GAS7: variants seen among roughly 807,000 people sequenced by gnomAD.
The protein encoded by GAS7 is growth arrest specific 7.
A neutral mutation model predicts 71.1 loss-of-function variants in GAS7; 28 were observed. The ratio of observed to expected loss-of-function variants is 0.39; its 90% confidence interval spans 0.29 to 0.54. The LOEUF (loss-of-function observed/expected upper bound fraction) is 0.54, where lower values mean the gene tolerates loss of function less well. Among genes scored for constraint, GAS7 ranks in the 20% least tolerant of loss-of-function variants. GAS7 has a pLI of 0.62. For missense variants in GAS7, 436 were observed against 627.8 expected (o/e 0.69, Z 3.27); for synonymous variants, 258 against 245.8 (o/e 1.05, Z -0.46).
chr17:9,952,718 T>C (rs1029007804), intron 5 of GAS7, among the ~76,000 whole-genome samples: 4 of 152,278 alleles, frequency 2.6e-5, no homozygotes, highest in South Asian at 2.1e-4. Flanking sequence ...AGAAGACATA[T>C]GTGCAGCCAA....
intron 1 of GAS7, among the ~76,000 whole-genome samples, chr17:10,126,222 TC>T (rs2073945233): frequency 6.6e-6 from 1 of 151,910 alleles, no homozygotes; most frequent in African/African-American, 2.4e-5. Context: ...TCTAATCCTG[TC>T]CGTTCTCCTG....
At chr17:10,059,918 G>A (rs2073200868) in intron 1 of GAS7, 2 of 565,510 alleles carry the variant, frequency 3.5e-6, no homozygotes, top group East Asian at 1.4e-4. Flanking sequence ...CTGCAATCGG[G>A]AAAGCATGTC....
In GAS7 at chr17:10,161,515, G is replaced by A. The variant is rs116159675; in HGVS notation, c.183+36693C>T. On this transcript the variant is annotated intron_variant, in intron 1 of 13. Transcript: ENST00000432992. ...TAGGTGCCATCTTGTCCTCTGACTC[G>A]AGCACTGTAACAGGATTTTACCATG... is the stretch of plus-strand genomic sequence containing the variant. Among the ~76,000 whole-genome samples, 955 of 152,298 alleles carry A rather than the reference G, an allele frequency of 6.3e-3. 7 individuals carry two copies. The highest frequency in any genetic ancestry group is 0.021 in the African/African-American group (867 of 41,550).
At chr17:10,046,500 C>T (rs917342212) in intron 1 of GAS7, among the ~76,000 whole-genome samples, 1 of 151,674 alleles carries the variant, frequency 6.6e-6, no homozygotes, top group Non-Finnish European at 1.5e-5. Context: ...GCACACTGCC[C>T]GCCTCGGCGG....
chr17:10,192,190 C>T (rs1567627429), intron 1 of GAS7, among the ~76,000 whole-genome samples: 1 of 152,186 alleles, frequency 6.6e-6, no homozygotes, highest in Non-Finnish European at 1.5e-5. Flanking sequence ...TGCCAGCCGC[C>T]ACTTCTTCTT....
At chr17:10,050,640 GCT>G (rs974763806) in intron 1 of GAS7, among the ~76,000 whole-genome samples, 2 of 152,140 alleles carry the variant, frequency 1.3e-5, no homozygotes, top group Non-Finnish European at 2.9e-5. Context: ...ATCAGGCCCA[GCT>G]CTCTTCTCCT....
chr17:10,056,368 A>G (rs1339735192), intron 1 of GAS7, among the ~76,000 whole-genome samples: 1 of 151,846 alleles, frequency 6.6e-6, no homozygotes, highest in Admixed American at 6.6e-5. Flanking sequence ...GATGGTGCAC[A>G]CCTGTAGTCC....
chr17:9,963,576 A>G (rs1412880085), intron 4 of GAS7, among the ~76,000 whole-genome samples: 1 of 152,026 alleles, frequency 6.6e-6, no homozygotes, highest in African/African-American at 2.4e-5. Context: ...CAGCCATAAA[A>G]GGGATTTGGG....
intron 1 of GAS7, among the ~76,000 whole-genome samples, chr17:10,136,671 T>C (rs2074041052): frequency 6.6e-6 from 1 of 152,146 alleles, no homozygotes; most frequent in Admixed American, 6.5e-5. Context: ...CTTCAACCTA[T>C]TCTGCATGGG....
In GAS7 at chr17:9,926,290, A is replaced by T. The variant is rs11657041; in HGVS notation, c.1014+351T>A. Among the ~76,000 whole-genome samples the T allele has an allele frequency of 0.14, 21,468 of 152,106 alleles. 1,552 individuals are homozygous for T. The highest frequency in any genetic ancestry group is 0.17 in the Admixed American group (2,595 of 15,298). On this transcript the variant is annotated intron_variant, in intron 10 of 13. Transcript: ENST00000432992. The surrounding 1 kb of genome is among the most constrained non-coding windows in gnomAD (Gnocchi z 5.0). Reference sequence around the variant, plus strand: ...GGCGGTGACTGAGTCAGGACGACTCAGCCAGGTGAGGCTTAAACACGGGGC... The same window carrying T: ...GGCGGTGACTGAGTCAGGACGACTCTGCCAGGTGAGGCTTAAACACGGGGC...
intron 1 of GAS7, among the ~76,000 whole-genome samples, chr17:10,108,303 G>A (rs1001931780): frequency 2.6e-5 from 4 of 152,186 alleles, no homozygotes; most frequent in African/African-American, 4.8e-5. Flanking sequence ...TCCACTGGAC[G>A]GGCCAAGGGC....
At chr17:9,957,406 G>A (rs8074810) in intron 5 of GAS7, among the ~76,000 whole-genome samples, 5,420 of 152,294 alleles carry the variant, frequency 0.036, 328 homozygotes, top group African/African-American at 0.12. Context: ...GCCCCCTCCG[G>A]CCACACCCGA....
chr17:10,183,711 G>A (rs1292202580), intron 1 of GAS7, among the ~76,000 whole-genome samples: 19 of 152,146 alleles, frequency 1.2e-4, no homozygotes, highest in African/African-American at 3.6e-4. Context: ...GCGTGGTGGC[G>A]GGTGCCTGTA....
At position 9,981,841 on chromosome 17, in the gene GAS7, G is replaced by C. The variant is rs1420878136; in HGVS notation, c.348C>G (p.Ala116=). The C allele has an allele frequency of 6.2e-7, 1 of 1,606,858 alleles. No individual in the cohort carries two copies. The stretch of plus-strand genomic sequence containing the variant: ...GAGAGCTCCTGTGAGAGCCAGGGCT[G>C]GCTGGAATCCCAGGAGAACTGCTGG... ...ERPSSSPGIP[A]SPGSHRSSLP... The change falls in exon 3 of 14, where the codon GCC becomes GCG. Residue 116 remains alanine (A), a synonymous_variant. Transcript: ENST00000432992. The surrounding 1 kb of genome is among the most constrained non-coding windows in gnomAD (Gnocchi z 4.4).
chr17:9,958,937 C>A, intron 5 of GAS7: 1 of 1,375,438 alleles, frequency 7.3e-7, no homozygotes, highest in Non-Finnish European at 9.4e-7. Flanking sequence ...TCCCCTCCTG[C>A]CCTGAAAAAA....
intron 2 of GAS7, among the ~76,000 whole-genome samples, chr17:9,993,954 C>G (rs1179345429): frequency 6.6e-6 from 1 of 151,646 alleles, no homozygotes; most frequent in East Asian, 1.9e-4. Flanking sequence ...AATAAAATAC[C>G]TAGGAATCCA....
chr17:10,122,292 C>T (rs376971510), intron 1 of GAS7, among the ~76,000 whole-genome samples: 26 of 152,338 alleles, frequency 1.7e-4, no homozygotes, highest in African/African-American at 6.0e-4. Flanking sequence ...GCAAACAGAG[C>T]TCTGTCTTTA....
intron 1 of GAS7, among the ~76,000 whole-genome samples, chr17:10,133,118 T>A (rs182525102): frequency 0.27 from 39,124 of 142,612 alleles, 5,739 homozygotes; most frequent in South Asian, 0.37. Context: ...TTATATATTT[T>A]TATATTTTTT....
In GAS7 at chr17:9,912,679, G is replaced by A. The variant is rs2067470526; in HGVS notation, c.*4549C>T. On this transcript the variant is annotated 3_prime_UTR_variant, in exon 14 of 14. Coordinates refer to ENST00000432992, the MANE Select transcript of GAS7 (RefSeq NM_201433.2). ...CCAAAAACCCACCACGCGCCAAAAG[G>A]CGAGTGTGAGCCCTAAGAACAGCTT... 4.3e-6 allele frequency: 1 copy of A among 232,634 alleles called. No individual in the cohort carries two copies. The highest frequency in any genetic ancestry group is 8.5e-6 in the Non-Finnish European group (1 of 117,750). The allele number at this position is 232,634 out of a possible 1,614,324, so 14.4% of individuals were successfully genotyped here. A position where few individuals can be genotyped will look rare whatever the true frequency, so the allele number is the denominator to read the frequency against.
Sources: gnomAD v4.1 joint callset for allele counts (sites outside exome capture counted in the v4.1 genomes callset) on GRCh38, gnomAD v4.1.1 for gene constraint, Gnocchi (gnomAD v3.1) non-coding constraint, MANE v1.5 for transcripts, NCBI Gene and HGNC (gene_info 2026-07-23, HGNC 2026-07-21) for gene names.